SIPA1L3: variants seen among roughly 807,000 people sequenced by gnomAD.
The protein encoded by SIPA1L3 is signal-induced proliferation-associated 1-like protein 3.
Under a neutral mutation model 150.1 loss-of-function variants are expected in SIPA1L3, and 59 were observed. The observed-to-expected ratio is 0.39, with a 90% CI of 0.32 to 0.49. The LOEUF (loss-of-function observed/expected upper bound fraction) is 0.49, where lower values mean the gene tolerates loss of function less well. Among genes scored for constraint, SIPA1L3 ranks in the 20% least tolerant of loss-of-function variants. The pLI is 0.86. For missense variants in SIPA1L3, 2,211 were observed against 2,489.5 expected (o/e 0.89, Z 2.38); for synonymous variants, 1,070 against 1,077.6 (o/e 0.99, Z 0.14).
At chr19:38,201,387 G>A (rs1487996516) in intron 19 of SIPA1L3, among the ~76,000 whole-genome samples, 1 of 152,236 alleles carries the variant, frequency 6.6e-6, no homozygotes, top group East Asian at 1.9e-4. Flanking sequence ...GATGTGATCT[G>A]TCTCACTTCT....
At chr19:38,116,672 A>T (rs1970892519) in intron 8 of SIPA1L3, among the ~76,000 whole-genome samples, 1 of 150,406 alleles carries the variant, frequency 6.6e-6, no homozygotes, top group Non-Finnish European at 1.5e-5. Flanking sequence ...ACATAGTGAA[A>T]CCCCATCCCC....
chr19:38,205,384 G>C (rs1268031625), intron 21 of SIPA1L3, among the ~76,000 whole-genome samples: 2 of 150,558 alleles, frequency 1.3e-5, no homozygotes, highest in African/African-American at 4.9e-5. Context: ...TTGAACCCAG[G>C]AGGCGGAGAT....
chr19:37,913,326 A>T (rs1312060558), intron 1 of SIPA1L3, among the ~76,000 whole-genome samples: 2 of 152,132 alleles, frequency 1.3e-5, no homozygotes, highest in African/African-American at 4.8e-5. Context: ...TTCAGCAGTC[A>T]ACAAGACAGA....
At chr19:38,180,951 A>G (rs1600179143) in intron 15 of SIPA1L3, among the ~76,000 whole-genome samples, 1 of 152,156 alleles carries the variant, frequency 6.6e-6, no homozygotes. Flanking sequence ...AGATTTAAGA[A>G]GTTTCCAACC....
chr19:38,072,350 G>A lies in SIPA1L3; in HGVS notation c.-310-8906G>A, dbSNP rs139464027. 3.4e-3 allele frequency among the ~76,000 whole-genome samples: 514 copies of A among 152,344 alleles called. 5 individuals are homozygous for A. The highest frequency in any genetic ancestry group is 0.015 in the East Asian group (77 of 5,186). ...GATTCTATTCATGGTAGTTGCTGTC[G>A]TAGATACTGGCTTTTGTGTATGTTT... is the stretch of plus-strand genomic sequence containing the variant. On this transcript the variant is annotated intron_variant, in intron 2 of 21. Coordinates refer to ENST00000222345, the MANE Select transcript of SIPA1L3 (RefSeq NM_015073.3).
rs75006713 is a variant in SIPA1L3 at position 38,129,160 on chromosome 19, G to A, written c.2869-1338G>A. ...CGCTTAACAGCATGCTGGGGGGAGG[G>A]GGCAGGGCTCTATTCAGCAGGTCCT... On this transcript the variant is annotated intron_variant, in intron 9 of 21. Transcript: ENST00000222345. Among the ~76,000 whole-genome samples the A allele has an allele frequency of 5.5e-4, 83 of 152,198 alleles. 1 individual carries two copies. In the East Asian group the frequency reaches 0.014, roughly 26 times the overall value.
chr19:38,206,424 C>A lies in SIPA1L3; in HGVS notation c.*184C>A. On this transcript the variant is annotated 3_prime_UTR_variant, in exon 22 of 22. Coordinates refer to ENST00000222345, the MANE Select transcript of SIPA1L3 (RefSeq NM_015073.3). The stretch of plus-strand genomic sequence containing the variant: ...AGTCAGGGTCAGCGCGCACAGCCCT[C>A]ATGCCCCAGAGGGCGAAGTGGTCTC... 1.5e-6 allele frequency: 1 copy of A among 671,768 alleles called. No individual in the cohort carries two copies. The highest frequency in any genetic ancestry group is 2.2e-5 in the South Asian group (1 of 45,100). 41.6% of individuals were successfully genotyped at this position (671,768 alleles called of 1,614,324 possible).
At chr19:38,085,950 C>T (rs1295337129) in intron 3 of SIPA1L3, among the ~76,000 whole-genome samples, 5 of 151,920 alleles carry the variant, frequency 3.3e-5, no homozygotes, top group Admixed American at 6.6e-5. Context: ...GAGCCGAGAT[C>T]GCACCATCAC....
At chr19:38,200,950 G>A (rs1200945445) in intron 19 of SIPA1L3, 1 of 152,254 alleles carries the variant, frequency 6.6e-6, no homozygotes, top group African/African-American at 2.4e-5. Flanking sequence ...AAAGTAAATG[G>A]GCAAAGTATT....
intron 1 of SIPA1L3, among the ~76,000 whole-genome samples, chr19:37,927,683 G>GTGTA (rs1555765706): frequency 6.9e-6 from 1 of 145,704 alleles, no homozygotes; most frequent in East Asian, 2.0e-4. Context: ...GTGTGTGTGT[G>GTGTA]TGTGTGTGTA....
intron 16 of SIPA1L3, among the ~76,000 whole-genome samples, chr19:38,188,179 TGTG>T (rs765752216): frequency 1.4e-4 from 21 of 151,288 alleles, no homozygotes; most frequent in South Asian, 6.3e-4. Flanking sequence ...GTTTTGTTGT[TGTG>T]GTGGTGGTGG....
chr19:37,998,829 G>A (rs1967705651), intron 1 of SIPA1L3, among the ~76,000 whole-genome samples: 1 of 152,000 alleles, frequency 6.6e-6, no homozygotes, highest in Non-Finnish European at 1.5e-5. Context: ...GAAGGAAAAG[G>A]GGGGAAAAGG....
chr19:38,136,219 A>T (rs1971434067), intron 10 of SIPA1L3, among the ~76,000 whole-genome samples: 1 of 145,052 alleles, frequency 6.9e-6, no homozygotes, highest in Non-Finnish European at 1.5e-5. Flanking sequence ...AGAATGCGTA[A>T]GAAAGTGGGA....
chr19:38,181,374 G>A (rs991898929), intron 15 of SIPA1L3, among the ~76,000 whole-genome samples: 27 of 152,276 alleles, frequency 1.8e-4, no homozygotes, highest in Non-Finnish European at 3.2e-4. Flanking sequence ...GGCACATGCC[G>A]TGTTCCCAGG....
In SIPA1L3 at chr19:38,193,767, T is replaced by C. The variant is rs1430486841; in HGVS notation, c.4827T>C (p.Phe1609=). ...CCACCCCTGCCGCCGGCAGCGGCTT[T>C]CCCGAGAAGAAATGTGAGCCTGGGC... The part of the protein sequence containing the change: ...PGATPAAGSG[F]PEKKSTISAS... The change falls in exon 18 of 22, where the codon TTT becomes TTC. Residue 1609 remains phenylalanine, a synonymous_variant. Coordinates refer to ENST00000222345, the MANE Select transcript of SIPA1L3 (RefSeq NM_015073.3). The C allele has an allele frequency of 1.3e-6, 2 of 1,573,132 alleles. No homozygotes were observed. Among genetic ancestry groups the C allele is most frequent in the Non-Finnish European group, 1.7e-6 (2 of 1,169,106 alleles).
intron 3 of SIPA1L3, among the ~76,000 whole-genome samples, 199 bp from the exon 4 acceptor site, chr19:38,088,522 G>C (rs563980714): frequency 6.6e-6 from 1 of 152,342 alleles, no homozygotes; most frequent in East Asian, 1.9e-4. Context: ...TGGCTTGGCA[G>C]GTGGTACAGT....
chr19:38,206,408 C>A lies in SIPA1L3; in HGVS notation c.*168C>A. On this transcript the variant is annotated 3_prime_UTR_variant, in exon 22 of 22. Coordinates refer to ENST00000222345, the MANE Select transcript of SIPA1L3 (RefSeq NM_015073.3). ...CCTCACTAGGGCTGTGAGTCAGGGT[C>A]AGCGCGCACAGCCCTCATGCCCCAG... 1 of 784,164 alleles carries A rather than the reference C, an allele frequency of 1.3e-6. No homozygotes were observed. The highest frequency in any genetic ancestry group is 2.0e-6 in the Non-Finnish European group (1 of 509,792). The allele number at this position is 784,164 out of a possible 1,614,324, so 48.6% of individuals were successfully genotyped here. A position where few individuals can be genotyped will look rare whatever the true frequency, so the allele number is the denominator to read the frequency against.
At chr19:38,155,005 C>T (rs535577635) in intron 13 of SIPA1L3, among the ~76,000 whole-genome samples, 1 of 152,182 alleles carries the variant, frequency 6.6e-6, no homozygotes, top group Non-Finnish European at 1.5e-5. Context: ...AAGTGATCCA[C>T]CCGCTTCGGC....
chr19:38,186,972 A>G (rs1156936367), intron 16 of SIPA1L3, among the ~76,000 whole-genome samples: 3 of 140,322 alleles, frequency 2.1e-5, no homozygotes, highest in African/African-American at 5.4e-5. Context: ...GTGCCATTAC[A>G]CTCCAGCCTG....
Sources: allele counts gnomAD v4.1 joint callset (sites outside exome capture counted in the v4.1 genomes callset), GRCh38; gene constraint gnomAD v4.1.1; transcripts MANE v1.5; gene names NCBI Gene and HGNC (gene_info 2026-07-23, HGNC 2026-07-21).